The following GNAQ variants were observed in gnomAD, a reference collection of about 807,000 sequenced individuals.
GNAQ encodes the protein guanine nucleotide-binding protein G(q) subunit alpha.
Under a neutral mutation model 43.9 loss-of-function variants are expected in GNAQ, and 8 were observed. That is an observed-to-expected ratio of 0.18 (90% CI 0.11 to 0.33). The LOEUF is 0.33. Among genes scored for constraint, GNAQ ranks in the 10% least tolerant of loss-of-function variants. GNAQ has a pLI of 1.00. For synonymous variants in GNAQ, 155 were observed against 170.7 expected (o/e 0.91, Z 0.71); for missense variants, 158 against 450.8 (o/e 0.35, Z 5.88).
At chr9:77,961,652 T>C (rs948789719) in intron 1 of GNAQ, among the ~76,000 whole-genome samples, 1 of 152,184 alleles carries the variant, frequency 6.6e-6, no homozygotes, top group Non-Finnish European at 1.5e-5. Flanking sequence ...GAGGCTGCTC[T>C]AAACTTACCC....
At chr9:77,772,470 T>C (rs1826240895) in intron 5 of GNAQ, among the ~76,000 whole-genome samples, 1 of 152,220 alleles carries the variant, frequency 6.6e-6, no homozygotes, top group African/African-American at 2.4e-5. Flanking sequence ...GGGGTCAATA[T>C]TAATTTACAC....
At chr9:77,759,461 A>C (rs1825954653) in intron 5 of GNAQ, among the ~76,000 whole-genome samples, 1 of 152,140 alleles carries the variant, frequency 6.6e-6, no homozygotes, top group Non-Finnish European at 1.5e-5. Context: ...GCCAAGCAGA[A>C]TTCTGAGATA....
intron 1 of GNAQ, among the ~76,000 whole-genome samples, chr9:77,962,934 T>C (rs1265201031): frequency 6.7e-6 from 1 of 150,048 alleles, no homozygotes; most frequent in Non-Finnish European, 1.5e-5. Flanking sequence ...GGAAAATGTG[T>C]ATTATGAAAA....
At chr9:77,724,064 A>C (rs1825360205) in intron 6 of GNAQ, among the ~76,000 whole-genome samples, 1 of 152,204 alleles carries the variant, frequency 6.6e-6, no homozygotes, top group Non-Finnish European at 1.5e-5. Flanking sequence ...CTTAAAACTT[A>C]CTGTAAATAA....
At chr9:77,908,125 T>C (rs185494421) in intron 2 of GNAQ, among the ~76,000 whole-genome samples, 127 of 152,336 alleles carry the variant, frequency 8.3e-4, no homozygotes, top group African/African-American at 2.9e-3. Flanking sequence ...CCAGAAGTGG[T>C]TGGCTAAAGT....
intron 6 of GNAQ, among the ~76,000 whole-genome samples, chr9:77,723,422 T>C (rs1265422494): frequency 6.6e-6 from 1 of 152,210 alleles, no homozygotes; most frequent in East Asian, 1.9e-4. Flanking sequence ...GAGCAGGGGC[T>C]CTGATAGACA....
At chr9:77,951,176 C>T (rs1280707508) in intron 1 of GNAQ, among the ~76,000 whole-genome samples, 2 of 143,856 alleles carry the variant, frequency 1.4e-5, no homozygotes, top group African/African-American at 2.6e-5. Flanking sequence ...CAGCTCACTG[C>T]AACCTCCACC....
In GNAQ at chr9:77,760,476, C is replaced by T. The variant is rs533536524; in HGVS notation, c.736-31809G>A. On this transcript the variant is annotated intron_variant, in intron 5 of 6. Coordinates refer to ENST00000286548, the MANE Select transcript of GNAQ (RefSeq NM_002072.5). ...CGCCAGCCTCGGCCTCTGGAGGTGC[C>T]GGGATTGCAGACAGTGTCTGGTTCA... Among the ~76,000 whole-genome samples the T allele has an allele frequency of 3.5e-4, 54 of 152,198 alleles. No homozygotes were observed. The South Asian group carries it at 0.011, about 30-fold the overall frequency.
chr9:77,865,607 G>A lies in GNAQ; in HGVS notation c.322-49837C>T, dbSNP rs1827935450. Among the ~76,000 whole-genome samples the A allele has an allele frequency of 2.0e-5, 3 of 152,326 alleles. No individual in the cohort carries two copies. In the South Asian group the frequency reaches 6.2e-4, roughly 32 times the overall value. ...GTGGCTGAGTGGTCAGTAAGCAGTAGCAAGGAGTGGCTAGGAACATGCCTG... is the reference window on the plus strand; with the variant it reads ...GTGGCTGAGTGGTCAGTAAGCAGTAACAAGGAGTGGCTAGGAACATGCCTG... On this transcript the variant is annotated intron_variant, in intron 2 of 6. Coordinates refer to ENST00000286548, the MANE Select transcript of GNAQ (RefSeq NM_002072.5).
chr9:77,826,904 A>T (rs1827206905), intron 2 of GNAQ, among the ~76,000 whole-genome samples: 1 of 152,208 alleles, frequency 6.6e-6, no homozygotes, highest in Non-Finnish European at 1.5e-5. Context: ...GTATTCAGTA[A>T]AACAACGCTT....
intron 3 of GNAQ, among the ~76,000 whole-genome samples, chr9:77,814,225 A>G (rs1007211742): frequency 8.5e-5 from 13 of 152,100 alleles, no homozygotes; most frequent in Non-Finnish European, 1.0e-4. Context: ...TACTCACAGA[A>G]ACTTATACAG....
At chr9:77,767,429 A>G (rs1383474609) in intron 5 of GNAQ, among the ~76,000 whole-genome samples, 1 of 152,100 alleles carries the variant, frequency 6.6e-6, no homozygotes, top group African/African-American at 2.4e-5. Flanking sequence ...TGAACATACC[A>G]TGTGGGTGGG....
intron 1 of GNAQ, among the ~76,000 whole-genome samples, chr9:77,970,498 CTT>C (rs1823224627): frequency 1.3e-5 from 2 of 152,188 alleles, no homozygotes; most frequent in African/African-American, 4.8e-5. Context: ...GGGCAGTCCT[CTT>C]CCCATTCTGC....
rs544933946 is a variant in GNAQ at position 77,955,231 on chromosome 9, C to T, written c.137-32886G>A. On this transcript the variant is annotated intron_variant, in intron 1 of 6. Transcript: ENST00000286548. ...GATCTTGGCTCACTGCAACCTCTGC[C>T]GCCCAGGTTCAAGCAATTCTTCCGC... 6.6e-5 allele frequency among the ~76,000 whole-genome samples: 10 copies of T among 152,252 alleles called. No individual in the cohort carries two copies. In the South Asian group the frequency reaches 1.5e-3, roughly 22 times the overall value.
chr9:77,863,334 G>A (rs994965776), intron 2 of GNAQ, among the ~76,000 whole-genome samples: 14 of 152,272 alleles, frequency 9.2e-5, no homozygotes, highest in African/African-American at 2.4e-4. Flanking sequence ...GGGGCAAAAC[G>A]TTGCCAGGCT....
chr9:77,979,782 T>TCAAA (rs1170593025), intron 1 of GNAQ, among the ~76,000 whole-genome samples: 15 of 152,352 alleles, frequency 9.8e-5, no homozygotes, highest in African/African-American at 3.1e-4. Context: ...ATGGCTTACT[T>TCAAA]AGCATGTTCA....
chr9:77,870,748 A>C (rs1020193649), intron 2 of GNAQ, among the ~76,000 whole-genome samples: 14 of 152,200 alleles, frequency 9.2e-5, no homozygotes, highest in Non-Finnish European at 1.8e-4. Flanking sequence ...GTGAATGGAT[A>C]AACTGTGGTA....
intron 1 of GNAQ, among the ~76,000 whole-genome samples, chr9:77,947,387 A>G (rs1037158920): frequency 6.6e-6 from 1 of 152,142 alleles, no homozygotes; most frequent in African/African-American, 2.4e-5. Context: ...AAACACCACA[A>G]GCATGACTCT....
At chr9:77,895,072 C>G (rs937984677) in intron 2 of GNAQ, among the ~76,000 whole-genome samples, 2 of 151,488 alleles carry the variant, frequency 1.3e-5, no homozygotes, top group Non-Finnish European at 2.9e-5. Flanking sequence ...GTGGCAGGCG[C>G]CTGTAGTCCC....
Sources: allele counts gnomAD v4.1 joint callset (sites outside exome capture counted in the v4.1 genomes callset), GRCh38; gene constraint gnomAD v4.1.1; transcripts MANE v1.5; gene names NCBI Gene and HGNC (gene_info 2026-07-23, HGNC 2026-07-21).